The following ARGLU1 variants were observed in gnomAD, a reference collection of about 807,000 sequenced individuals.
The protein encoded by ARGLU1 is arginine and glutamate rich 1.
ARGLU1 carries 9 observed loss-of-function variants against 37.6 expected under a neutral mutation model. That is an observed-to-expected ratio of 0.24 (90% CI 0.14 to 0.42). The LOEUF (loss-of-function observed/expected upper bound fraction) is 0.42, where lower values mean the gene tolerates loss of function less well. Among genes scored for constraint, ARGLU1 ranks in the 10% least tolerant of loss-of-function variants. ARGLU1 has a pLI of 1.00. For missense variants in ARGLU1, 211 were observed against 359.2 expected (o/e 0.59, Z 3.34); for synonymous variants, 166 against 138.5 (o/e 1.20, Z -1.39).
chr13:106,561,564 C>T (rs570570419), intron 1 of ARGLU1, among the ~76,000 whole-genome samples: 11 of 151,810 alleles, frequency 7.2e-5, no homozygotes, highest in African/African-American at 2.7e-4. Flanking sequence ...TTTTAATTAA[C>T]AATACTAGGT....
chr13:106,561,108 G>C (rs1387028981), intron 1 of ARGLU1, among the ~76,000 whole-genome samples: 1 of 152,154 alleles, frequency 6.6e-6, no homozygotes, highest in Non-Finnish European at 1.5e-5. Context: ...TAAGGGCCTA[G>C]ATGTTTGCCC....
rs1341621195 is a variant in ARGLU1 at position 106,542,903 on chromosome 13, T to C, written c.*1093A>G. ...GTGCAAGTACACTACACAATGAAAA[T>C]GACTCGACCATCTTAGCCTTTTTTT... On this transcript the variant is annotated 3_prime_UTR_variant, in exon 4 of 4. Coordinates refer to ENST00000400198, the MANE Select transcript of ARGLU1 (RefSeq NM_018011.4). The C allele has an allele frequency of 6.6e-6, 1 of 151,740 alleles. No individual in the cohort carries two copies. Among genetic ancestry groups the C allele is most frequent in the Non-Finnish European group, 1.5e-5 (1 of 67,904 alleles). The allele number at this position is 151,740 out of a possible 1,614,324, so 9.4% of individuals were successfully genotyped here. A position where few individuals can be genotyped will look rare whatever the true frequency, so the allele number is the denominator to read the frequency against.
intron 2 of ARGLU1, chr13:106,558,820 C>G (rs1317832984): frequency 1.0e-6 from 1 of 985,120 alleles, no homozygotes; most frequent in Non-Finnish European, 1.2e-6. Flanking sequence ...GGATATTTTT[C>G]CTAAAAAGAT....
chr13:106,558,023 AT>A, intron 2 of ARGLU1: 20 of 985,368 alleles, frequency 2.0e-5, no homozygotes, highest in Non-Finnish European at 2.4e-5. Flanking sequence ...TGCAAACTGT[AT>A]GAAGACTGCT....
At position 106,542,349 on chromosome 13, in the gene ARGLU1, G is replaced by A. The variant is rs758979119; in HGVS notation, c.*1647C>T. ...AATAATTACAGCTAACCTATATTTA[G>A]AGATAAAATATTTTTTGGCAACCTA... On this transcript the variant is annotated 3_prime_UTR_variant, in exon 4 of 4. Coordinates refer to ENST00000400198, the MANE Select transcript of ARGLU1 (RefSeq NM_018011.4). 6.7e-6 allele frequency: 1 copy of A among 150,288 alleles called. No homozygotes were observed. Among genetic ancestry groups the A allele is most frequent in the African/African-American group, 2.4e-5 (1 of 40,930 alleles). 9.3% of individuals were successfully genotyped at this position (150,288 alleles called of 1,614,324 possible). A position where few individuals can be genotyped will look rare whatever the true frequency, so the allele number is the denominator to read the frequency against.
chr13:106,557,681 A>G lies in ARGLU1; in HGVS notation c.574-550T>C. The stretch of plus-strand genomic sequence containing the variant: ...ATCAGCAGCTCAACCATTTATAAAG[A>G]AACAACATACAAGGAAGGCTGAGCT... On this transcript the variant is annotated intron_variant, in intron 2 of 3. Transcript: ENST00000400198. The surrounding 1 kb of genome is among the most constrained non-coding windows in gnomAD (Gnocchi z 5.0). 6.5e-7 allele frequency: 1 copy of G among 1,545,422 alleles called. No homozygotes were observed. Among genetic ancestry groups the G allele is most frequent in the South Asian group, 1.2e-5 (1 of 82,628 alleles).
At chr13:106,554,625 G>A (rs751894685) in intron 3 of ARGLU1, among the ~76,000 whole-genome samples, 9 of 152,070 alleles carry the variant, frequency 5.9e-5, no homozygotes, top group Non-Finnish European at 1.0e-4. Context: ...GGTAGCTCAC[G>A]CCTGTAATCC....
chr13:106,562,049 T>C (rs1421504648), intron 1 of ARGLU1: 2 of 152,208 alleles, frequency 1.3e-5, no homozygotes, highest in Non-Finnish European at 2.9e-5. Context: ...AATGACCTAG[T>C]GCAGTTTCTC....
At chr13:106,548,511 C>T (rs749485552) in intron 3 of ARGLU1, among the ~76,000 whole-genome samples, 2 of 152,080 alleles carry the variant, frequency 1.3e-5, no homozygotes, top group South Asian at 2.1e-4. Flanking sequence ...ACAAGGATTA[C>T]GTAGTGGACA....
intron 3 of ARGLU1, among the ~76,000 whole-genome samples, chr13:106,547,086 T>C (rs913703456): frequency 2.0e-5 from 3 of 152,072 alleles, no homozygotes; most frequent in Non-Finnish European, 4.4e-5. Context: ...CCACCACTTT[T>C]CTCTCTCTCT....
chr13:106,556,871 A>G (rs183080890), intron 3 of ARGLU1, among the ~76,000 whole-genome samples, 177 bp downstream of exon 3: 3 of 152,350 alleles, frequency 2.0e-5, no homozygotes, highest in Admixed American at 1.3e-4. Flanking sequence ...AGTTCTGTCC[A>G]GATTGGAAGG....
chr13:106,547,783 G>A (rs936284776), intron 3 of ARGLU1, among the ~76,000 whole-genome samples: 7 of 136,522 alleles, frequency 5.1e-5, no homozygotes, highest in Non-Finnish European at 1.1e-4. Flanking sequence ...TGGGTTGGGG[G>A]TAAGGTAAAG....
chr13:106,567,421 C>A lies in ARGLU1; in HGVS notation c.347+152G>T, dbSNP rs1880999088. 5.7e-6 allele frequency: 3 copies of A among 529,230 alleles called. No individual in the cohort carries two copies. The highest frequency in any genetic ancestry group is 6.4e-6 in the Non-Finnish European group (2 of 314,838). 32.8% of individuals were successfully genotyped at this position (529,230 alleles called of 1,614,324 possible). On this transcript the variant is annotated intron_variant, in intron 1 of 3. Transcript: ENST00000400198. The surrounding 1 kb of genome is among the most constrained non-coding windows in gnomAD (Gnocchi z 4.3). Reference sequence around the variant, plus strand: ...CCAAACGCCAAGCCTGCCCGCCCCGCCGCCGCCTCTCCGACCCGTTCCCGC... The same window carrying A: ...CCAAACGCCAAGCCTGCCCGCCCCGACGCCGCCTCTCCGACCCGTTCCCGC...
In ARGLU1 at chr13:106,543,992, C is replaced by T; in HGVS notation, c.*4G>A. The T allele has an allele frequency of 6.3e-7, 1 of 1,580,304 alleles. No homozygotes were observed. Among genetic ancestry groups the T allele is most frequent in the Non-Finnish European group, 8.5e-7 (1 of 1,169,652 alleles). On this transcript the variant is annotated 3_prime_UTR_variant, in exon 4 of 4. Coordinates refer to ENST00000400198, the MANE Select transcript of ARGLU1 (RefSeq NM_018011.4). ...TTCTTTGTAAAAAGTTCAGAGTTTG[C>T]AATTTAATCCTGGGTTTTTAATGAG...
chr13:106,568,030 A>G lies in ARGLU1; in HGVS notation c.-111T>C. The G allele has an allele frequency of 1.4e-6, 2 of 1,438,096 alleles. No individual in the cohort carries two copies. The highest frequency in any genetic ancestry group is 1.4e-5 in the South Asian group (1 of 71,726). 89.1% of individuals were successfully genotyped at this position (1,438,096 alleles called of 1,614,324 possible). Reference sequence around the variant, plus strand: ...GTTCTACCGAGGCCGGAGGAAAGAAAGGTGTCGGCCAACGGACTTTATGCC... The same window carrying G: ...GTTCTACCGAGGCCGGAGGAAAGAAGGGTGTCGGCCAACGGACTTTATGCC... On this transcript the variant is annotated 5_prime_UTR_variant, in exon 1 of 4. Transcript: ENST00000400198.
rs2138960377 is a variant in ARGLU1 at position 106,542,703 on chromosome 13, GCATTTTAGATCAATAT to G, written c.*1277_*1292del. On this transcript the variant is annotated 3_prime_UTR_variant, in exon 4 of 4. Coordinates refer to ENST00000400198, the MANE Select transcript of ARGLU1 (RefSeq NM_018011.4). ...ATGACATGTTTATGCATCTCAGGTA[GCATTTTAGATCAATAT>G]CCTTTTCTTGAATGTTTTAATACCA... 1 of 151,944 alleles carries G rather than the reference GCATTTTAGATCAATAT, an allele frequency of 6.6e-6. No homozygotes were observed. Among genetic ancestry groups the G allele is most frequent in the Admixed American group, 6.6e-5 (1 of 15,266 alleles). The allele number at this position is 151,944 out of a possible 1,614,324, so 9.4% of individuals were successfully genotyped here.
Position 106,568,036 on chromosome 13 carries a change from C to G in ARGLU1, c.-117G>C. ...CCGAGGCCGGAGGAAAGAAAGGTGT[C>G]GGCCAACGGACTTTATGCCTTTTCC... On this transcript the variant is annotated 5_prime_UTR_variant, in exon 1 of 4. Transcript: ENST00000400198. 7.1e-7 allele frequency: 1 copy of G among 1,418,108 alleles called. No individual in the cohort carries two copies. 87.8% of individuals were successfully genotyped at this position (1,418,108 alleles called of 1,614,324 possible).
chr13:106,551,586 A>G (rs1296205726), intron 3 of ARGLU1, among the ~76,000 whole-genome samples: 1 of 152,204 alleles, frequency 6.6e-6, no homozygotes, highest in Non-Finnish European at 1.5e-5. Flanking sequence ...TTTAGGTAAC[A>G]TATTACCACA....
Position 106,567,289 on chromosome 13 carries a change from C to T in ARGLU1, c.347+284G>A, listed in dbSNP as rs912554768. ...CCGAACTCCACCCCTACTTCCGGGA[C>T]ACCACTCCTCTCTCGCGCCAAAATC... On this transcript the variant is annotated intron_variant, in intron 1 of 3. Transcript: ENST00000400198. This position sits in a 1 kb window ranked among gnomAD's most constrained non-coding sequence, Gnocchi z 4.3. Among the ~76,000 whole-genome samples the T allele has an allele frequency of 1.3e-5, 2 of 149,010 alleles. No homozygotes were observed. The highest frequency in any genetic ancestry group is 2.5e-5 in the African/African-American group (1 of 40,026).
Sources: gnomAD v4.1 joint callset for allele counts (sites outside exome capture counted in the v4.1 genomes callset) on GRCh38, gnomAD v4.1.1 for gene constraint, Gnocchi (gnomAD v3.1) non-coding constraint, MANE v1.5 for transcripts, NCBI Gene and HGNC (gene_info 2026-07-23, HGNC 2026-07-21) for gene names.